NRDE2: variants seen among roughly 807,000 people sequenced by gnomAD.
The protein encoded by NRDE2 is nuclear exosome regulator NRDE2.
A neutral mutation model predicts 124.2 loss-of-function variants in NRDE2; 76 were observed. That is an observed-to-expected ratio of 0.61 (90% CI 0.51 to 0.74). NRDE2 has a LOEUF of 0.74. Among genes scored for constraint, NRDE2 ranks in the 30% least tolerant of loss-of-function variants. The pLI is 0.00. For synonymous variants in NRDE2, 489 were observed against 528.1 expected, an observed-to-expected ratio of 0.93 and a Z score of 1.01; for missense variants, 1,314 against 1,417.3, an observed-to-expected ratio of 0.93 and a Z score of 1.17.
intron 6 of NRDE2, chr14:90,301,789 T>C (rs1280940416): frequency 2.2e-6 from 1 of 456,132 alleles, no homozygotes; most frequent in African/African-American, 2.0e-5. Context: ...ACTTTCATCC[T>C]ATGTTCAGAG....
chr14:90,292,633 A>G (rs1444378273), intron 9 of NRDE2, 64 bp downstream of exon 9: 3 of 1,550,454 alleles, frequency 1.9e-6, no homozygotes, highest in East Asian at 4.5e-5. Context: ...ACCAAAGCGC[A>G]TGGGAATGGA....
In NRDE2 at chr14:90,302,872, T is replaced by C. The variant is rs1884455480; in HGVS notation, c.1259A>G (p.Lys420Arg). 6.2e-7 allele frequency: 1 copy of C among 1,614,150 alleles called. No individual in the cohort carries two copies. Among genetic ancestry groups the C allele is most frequent in the Non-Finnish European group, 8.5e-7 (1 of 1,180,040 alleles). Residue 420 changes from lysine (K) to arginine (R), a missense_variant, in exon 6 of 14, where the codon AAA becomes AGA. Physicochemically the swap from Lys to Arg is conservative, Grantham distance 26. Coordinates refer to ENST00000354366, the MANE Select transcript of NRDE2 (RefSeq NM_017970.4). ...CTGGCTCTGGCAAAATAAAAGGTATTTCTGCCAAAGGGCTGTATTATTGGG... is the reference window on the plus strand; with the variant it reads ...CTGGCTCTGGCAAAATAAAAGGTATCTCTGCCAAAGGGCTGTATTATTGGG... ...LHPNNTALWQ[K>R]YLLFCQSQFS...
In NRDE2 at chr14:90,269,996, T is replaced by G; in HGVS notation, c.*8340A>C. ...TCTGAAGGTACCAAAGCAGAGAGAG[T>G]TTCTTTTAAATGAAGAGAATTCAAA... is the stretch of plus-strand genomic sequence containing the variant. On this transcript the variant is annotated 3_prime_UTR_variant, in exon 14 of 14. Transcript: ENST00000354366. The G allele has an allele frequency of 1.8e-6, 1 of 566,152 alleles. No individual in the cohort carries two copies. The highest frequency in any genetic ancestry group is 2.9e-5 in the South Asian group (1 of 34,296). 35.1% of individuals were successfully genotyped at this position (566,152 alleles called of 1,614,324 possible). A position where few individuals can be genotyped will look rare whatever the true frequency, so the allele number is the denominator to read the frequency against.
intron 1 of NRDE2, among the ~76,000 whole-genome samples, chr14:90,322,403 C>G (rs2139713213): frequency 6.6e-6 from 1 of 152,316 alleles, no homozygotes; most frequent in South Asian, 2.1e-4. Context: ...CAACTCCTAG[C>G]ACAGTGCCTT....
intron 1 of NRDE2, among the ~76,000 whole-genome samples, chr14:90,330,807 C>CAAA (rs56298487): frequency 5.7e-5 from 7 of 123,168 alleles, no homozygotes; most frequent in African/African-American, 2.0e-4. Flanking sequence ...GACCCTGTCT[C>CAAA]AAAAAAAAAA....
Position 90,267,965 on chromosome 14 carries a change from C to G in NRDE2, c.*10371G>C, listed in dbSNP as rs763850013. On this transcript the variant is annotated 3_prime_UTR_variant, in exon 14 of 14. Transcript: ENST00000354366. ...AACTGGGTCAAGGTTGGAAAATAACCAAGTAAAAAGTATTTTCTGACGTTA... is the reference window on the plus strand; with the variant it reads ...AACTGGGTCAAGGTTGGAAAATAACGAAGTAAAAAGTATTTTCTGACGTTA... 2.0e-5 allele frequency: 7 copies of G among 347,290 alleles called. No individual in the cohort carries two copies. The highest frequency in any genetic ancestry group is 3.6e-5 in the Non-Finnish European group (7 of 193,678). 21.5% of individuals were successfully genotyped at this position (347,290 alleles called of 1,614,324 possible). A position where few individuals can be genotyped will look rare whatever the true frequency, so the allele number is the denominator to read the frequency against.
rs572483230 is a variant in NRDE2 at position 90,327,719 on chromosome 14, A to G, written c.64+4122T>C. ...AACTAACGAAAGGAATGAATCAAGTATTTATCCCAGGCTAGGCGAGGTGGC... is the reference window on the plus strand; with the variant it reads ...AACTAACGAAAGGAATGAATCAAGTGTTTATCCCAGGCTAGGCGAGGTGGC... On this transcript the variant is annotated intron_variant, in intron 1 of 13. Coordinates refer to ENST00000354366, the MANE Select transcript of NRDE2 (RefSeq NM_017970.4). 2.0e-5 allele frequency among the ~76,000 whole-genome samples: 3 copies of G among 152,344 alleles called. No individual in the cohort carries two copies. The South Asian group carries it at 6.2e-4, about 32-fold the overall frequency.
chr14:90,323,846 T>C (rs1885325475), intron 1 of NRDE2, among the ~76,000 whole-genome samples: 1 of 152,188 alleles, frequency 6.6e-6, no homozygotes, highest in Admixed American at 6.5e-5. Context: ...TTCTTGGTTG[T>C]GCAACTCTGA....
chr14:90,270,583 G>T lies in NRDE2; in HGVS notation c.*7753C>A. 2 of 450,772 alleles carry T rather than the reference G, an allele frequency of 4.4e-6. No individual in the cohort carries two copies. The highest frequency in any genetic ancestry group is 4.3e-5 in the South Asian group (1 of 23,286). 27.9% of individuals were successfully genotyped at this position (450,772 alleles called of 1,614,324 possible). ...CTAAATCACCTGGAGCCACAAGGCT[G>T]AGTCGCTGGTACTAAGCCTTAGGCC... On this transcript the variant is annotated 3_prime_UTR_variant, in exon 14 of 14. Transcript: ENST00000354366.
rs1332689840 is a variant in NRDE2, at chr14:90,275,178, CAGA to C, written c.*3155_*3157del. On this transcript the variant is annotated 3_prime_UTR_variant, in exon 14 of 14. Coordinates refer to ENST00000354366, the MANE Select transcript of NRDE2 (RefSeq NM_017970.4). ...TCTTGGAAGTCAAAAAGCTTCCAAT[CAGA>C]AGGAGACCAAAGAGATGACAACCAA... is the stretch of plus-strand genomic sequence containing the variant. 4 of 152,150 alleles carry C rather than the reference CAGA, an allele frequency of 2.6e-5. No individual in the cohort carries two copies. Among genetic ancestry groups the C allele is most frequent in the South Asian group, 2.1e-4 (1 of 4,822 alleles). The allele number at this position is 152,150 out of a possible 1,614,324, so 9.4% of individuals were successfully genotyped here.
At chr14:90,317,075 G>T (rs899896415) in intron 2 of NRDE2, among the ~76,000 whole-genome samples, 1 of 151,960 alleles carries the variant, frequency 6.6e-6, no homozygotes, top group African/African-American at 2.4e-5. Context: ...ATCTTTAAAT[G>T]AAAGTAACCT....
intron 1 of NRDE2, among the ~76,000 whole-genome samples, chr14:90,318,414 C>T (rs1433630237): frequency 1.3e-5 from 2 of 152,186 alleles, no homozygotes; most frequent in African/African-American, 2.4e-5. Flanking sequence ...ATTTTGCATT[C>T]CATCCATCCA....
chr14:90,287,673 T>C (rs1474774267), intron 11 of NRDE2, among the ~76,000 whole-genome samples: 2 of 152,056 alleles, frequency 1.3e-5, no homozygotes, highest in African/African-American at 2.4e-5. Flanking sequence ...AATTTAAACA[T>C]GACACTTCTG....
intron 8 of NRDE2, among the ~76,000 whole-genome samples, chr14:90,293,594 G>T (rs938349815): frequency 6.6e-6 from 1 of 152,224 alleles, no homozygotes; most frequent in Admixed American, 6.5e-5. Flanking sequence ...CATGTGGCTA[G>T]AGGTTACTGT....
At chr14:90,306,639 C>T (rs1019086493) in intron 4 of NRDE2, among the ~76,000 whole-genome samples, 1 of 151,638 alleles carries the variant, frequency 6.6e-6, no homozygotes, top group African/African-American at 2.4e-5. Flanking sequence ...GGTGAAACCC[C>T]GTCTCTACTA....
At chr14:90,317,230 G>A (rs187135786) in intron 2 of NRDE2, among the ~76,000 whole-genome samples, 1 of 152,114 alleles carries the variant, frequency 6.6e-6, no homozygotes, top group Admixed American at 6.5e-5. Context: ...CCTGGGCAAC[G>A]TAGCAAGACC....
chr14:90,278,834 C>T, intron 13 of NRDE2: 1 of 588,888 alleles, frequency 1.7e-6, no homozygotes, highest in Non-Finnish European at 3.1e-6. Flanking sequence ...AAACCAGCTA[C>T]CCACGGCAAC....
At position 90,288,724 on chromosome 14, in the gene NRDE2, T is replaced by C. The variant is rs1193391851; in HGVS notation, c.2651A>G (p.Asp884Gly). ...GGAGACACAGCTGTCACCCAAACAGTCCTGCAGTGCGTGCTCATAAGCCTT... is the reference window on the plus strand; with the variant it reads ...GGAGACACAGCTGTCACCCAAACAGCCCTGCAGTGCGTGCTCATAAGCCTT... The part of the protein sequence containing the change: ...ARKAYEHALQ[D>G]CLGDSCVSNP... The change falls in exon 11 of 14, where the codon GAC (aspartate) becomes GGC (glycine). Residue 884 changes from aspartate to glycine, a missense_variant. Coordinates refer to ENST00000354366, the MANE Select transcript of NRDE2 (RefSeq NM_017970.4). 1 of 1,614,052 alleles carries C rather than the reference T, an allele frequency of 6.2e-7. No individual in the cohort carries two copies.
Position 90,278,351 on chromosome 14 carries a change from C to A in NRDE2, c.3480G>T (p.Leu1160=), listed in dbSNP as rs1486573099. ...CCGCTGCTCTCTAATCCTCCAGCAG[C>A]AGCTCCAGCTCCTCCAGCGGCAGGC... The part of the protein sequence containing the change: ...RVRLPLEELE[L]LLED Residue 1160 remains leucine (L), a synonymous_variant, in exon 14 of 14, where the codon CTG becomes CTT. Transcript: ENST00000354366. 6.2e-7 allele frequency: 1 copy of A among 1,614,146 alleles called. No individual in the cohort carries two copies. The highest frequency in any genetic ancestry group is 2.2e-5 in the East Asian group (1 of 44,886).
Sources: gnomAD v4.1 joint callset for allele counts (sites outside exome capture counted in the v4.1 genomes callset) on GRCh38, gnomAD v4.1.1 for gene constraint, MANE v1.5 for transcripts, NCBI Gene and HGNC (gene_info 2026-07-23, HGNC 2026-07-21) for gene names.